Variants in ZYX observed in about 807,000 individuals in gnomAD.
ZYX encodes zyxin-2.
In ZYX, 37 loss-of-function variants were observed where a neutral mutation model predicts 58.1. That is an observed-to-expected ratio of 0.64 (90% CI 0.49 to 0.84). The LOEUF is 0.84. Among genes scored for constraint, ZYX ranks in the 40% least tolerant of loss-of-function variants. The pLI is 0.00. For synonymous variants in ZYX, 324 were observed against 321.1 expected (o/e 1.01, Z -0.10); for missense variants, 762 against 761.6 (o/e 1.00, Z -0.01).
Position 143,387,871 on chromosome 7 carries a change from T to C in ZYX, c.1024-348T>C, listed in dbSNP as rs1311414169. The C allele has an allele frequency of 4.1e-6, 2 of 493,224 alleles. No individual in the cohort carries two copies. Among genetic ancestry groups the C allele is most frequent in the Non-Finnish European group, 8.1e-6 (2 of 245,554 alleles). 30.6% of individuals were successfully genotyped at this position (493,224 alleles called of 1,614,324 possible). ...GTCCGAGCATGCTCTGTGGAGTTGA[T>C]GCGTGGCCCTGGAGTGTCCGGTGCT... is the stretch of plus-strand genomic sequence containing the variant. On this transcript the variant is annotated intron_variant, in intron 5 of 9. Transcript: ENST00000322764. The surrounding 1 kb of genome is among the most constrained non-coding windows in gnomAD (Gnocchi z 5.8).
chr7:143,383,346 G>A (rs771185494), intron 5 of ZYX, 24 bp downstream of exon 5: 3 of 1,571,568 alleles, frequency 1.9e-6, no homozygotes, highest in Non-Finnish European at 2.6e-6. Flanking sequence ...ATAGGACAAG[G>A]CTTGGTACCA....
At position 143,382,578 on chromosome 7, in the gene ZYX, C is replaced by T. The variant is rs1413159618; in HGVS notation, c.409-15C>T. 8.1e-6 allele frequency: 13 copies of T among 1,613,518 alleles called. No individual in the cohort carries two copies. In the South Asian group the frequency reaches 1.1e-4, roughly 14 times the overall value. On this transcript the variant is annotated splice_polypyrimidine_tract_variant and intron_variant, in intron 3 of 9. Coordinates refer to ENST00000322764, the MANE Select transcript of ZYX (RefSeq NM_003461.5). The stretch of plus-strand genomic sequence containing the variant: ...TAGAGGCATGGAATAGGTGCTCTGA[C>T]CTCTGACCCTCTAGCCCAGGGAGAA...
intron 5 of ZYX, among the ~76,000 whole-genome samples, chr7:143,386,516 T>C (rs575148046): frequency 6.6e-6 from 1 of 151,872 alleles, no homozygotes; most frequent in South Asian, 2.1e-4. Context: ...CACGCTGCAG[T>C]GTTCAGTGAT....
rs1342700358 is a variant in ZYX, at chr7:143,382,442, C to A, written c.403C>A (p.Pro135Thr). The A allele has an allele frequency of 6.3e-7, 1 of 1,596,256 alleles. No homozygotes were observed. Among genetic ancestry groups the A allele is most frequent in the Non-Finnish European group, 8.5e-7 (1 of 1,172,240 alleles). The change falls in exon 3 of 10, where the codon CCA (proline) becomes ACA (threonine). Residue 135 changes from proline to threonine, a missense_variant. Transcript: ENST00000322764. ...GCCTGAGGCCCCCATACCGCCCCCA[C>A]CACAGGTACGGAGGCCTGGGAGGGG... ...GGPEAPIPPP[P>T]QPREKVSSID... is the part of the protein sequence containing the mutation.
In ZYX at chr7:143,388,710, T is replaced by C. The variant is rs1467377176; in HGVS notation, c.1314+52T>C. The C allele has an allele frequency of 2.5e-6, 4 of 1,608,642 alleles. No individual in the cohort carries two copies. In the Admixed American group the frequency reaches 6.7e-5, roughly 27 times the overall value. On this transcript the variant is annotated intron_variant, in intron 7 of 9. Transcript: ENST00000322764. The surrounding 1 kb of genome is among the most constrained non-coding windows in gnomAD (Gnocchi z 7.5). Reference sequence around the variant, plus strand: ...TGGGCTGTGCTGGGCAGTCGGGCCCTGGAAGCTTGCTGTGGGGTGCCGGTT... The same window carrying C: ...TGGGCTGTGCTGGGCAGTCGGGCCCCGGAAGCTTGCTGTGGGGTGCCGGTT...
chr7:143,381,969 G>A (rs554215429), intron 2 of ZYX, 190 bp downstream of exon 2: 2 of 654,048 alleles, frequency 3.1e-6, no homozygotes, highest in African/African-American at 3.7e-5. Context: ...ACCGTTCCAA[G>A]TCCCCCGCCT....
chr7:143,381,447 G>C lies in ZYX; in HGVS notation c.-16+38G>C, dbSNP rs552114712. On this transcript the variant is annotated intron_variant, in intron 1 of 9. Coordinates refer to ENST00000322764, the MANE Select transcript of ZYX (RefSeq NM_003461.5). Reference sequence around the variant, plus strand: ...GAGCGGCAGGGCGGCCCCACGGGGAGGGGGCGCGGGGCGCCGGGAGGGGGC... The same window carrying C: ...GAGCGGCAGGGCGGCCCCACGGGGACGGGGCGCGGGGCGCCGGGAGGGGGC... The C allele has an allele frequency of 1.5e-3, 1,888 of 1,292,028 alleles. 4 individuals are homozygous for C. Among genetic ancestry groups the C allele is most frequent in the Admixed American group, 1.7e-3 (41 of 23,532 alleles). The allele number at this position is 1,292,028 out of a possible 1,614,324, so 80.0% of individuals were successfully genotyped here. A position where few individuals can be genotyped will look rare whatever the true frequency, so the allele number is the denominator to read the frequency against.
Position 143,388,012 on chromosome 7 carries a change from C to T in ZYX, c.1024-207C>T. 1 of 634,550 alleles carries T rather than the reference C, an allele frequency of 1.6e-6. No individual in the cohort carries two copies. The highest frequency in any genetic ancestry group is 2.8e-6 in the Non-Finnish European group (1 of 355,844). 39.3% of individuals were successfully genotyped at this position (634,550 alleles called of 1,614,324 possible). On this transcript the variant is annotated intron_variant, in intron 5 of 9. Transcript: ENST00000322764. This position sits in a 1 kb window ranked among gnomAD's most constrained non-coding sequence, Gnocchi z 7.5. ...TGGAAATGTCTTGCTGTACGAGATC[C>T]AGGCTTAGGTCCCTTCCCCTGTTAT... is the stretch of plus-strand genomic sequence containing the variant.
intron 2 of ZYX, 54 bp downstream of exon 2, chr7:143,381,833 G>A: frequency 8.9e-6 from 13 of 1,460,888 alleles, no homozygotes; most frequent in Non-Finnish European, 1.2e-5. Context: ...GTGGGGGGCA[G>A]TCGTTTCGGG....
In ZYX at chr7:143,389,705, T is replaced by G; in HGVS notation, c.1494-152T>G. 1 of 1,061,474 alleles carries G rather than the reference T, an allele frequency of 9.4e-7. No individual in the cohort carries two copies. The highest frequency in any genetic ancestry group is 1.3e-6 in the Non-Finnish European group (1 of 754,784). 65.8% of individuals were successfully genotyped at this position (1,061,474 alleles called of 1,614,324 possible). A position where few individuals can be genotyped will look rare whatever the true frequency, so the allele number is the denominator to read the frequency against. ...TCCCTTTGATGAGGGCCAGTCATGGTGTCTCACTCTTAGGCCCTTCTGGTG... is the reference window on the plus strand; with the variant it reads ...TCCCTTTGATGAGGGCCAGTCATGGGGTCTCACTCTTAGGCCCTTCTGGTG... On this transcript the variant is annotated intron_variant, in intron 8 of 9. Coordinates refer to ENST00000322764, the MANE Select transcript of ZYX (RefSeq NM_003461.5). The surrounding 1 kb of genome is among the most constrained non-coding windows in gnomAD (Gnocchi z 5.6).
chr7:143,387,825 C>T lies in ZYX; in HGVS notation c.1024-394C>T. ...GCGCGTGTGTGCACGCCATTGCGTG[C>T]CCCTGTCCCATGGGGGCGATGTCCG... On this transcript the variant is annotated intron_variant, in intron 5 of 9. Coordinates refer to ENST00000322764, the MANE Select transcript of ZYX (RefSeq NM_003461.5). This position sits in a 1 kb window ranked among gnomAD's most constrained non-coding sequence, Gnocchi z 5.8. The T allele has an allele frequency of 2.1e-6, 1 of 478,880 alleles. No individual in the cohort carries two copies. The allele number at this position is 478,880 out of a possible 1,614,324, so 29.7% of individuals were successfully genotyped here. A position where few individuals can be genotyped will look rare whatever the true frequency, so the allele number is the denominator to read the frequency against.
chr7:143,382,193 G>A, intron 2 of ZYX, 55 bp from the exon 3 acceptor site: 1 of 1,464,426 alleles, frequency 6.8e-7, no homozygotes, highest in Non-Finnish European at 9.5e-7. Flanking sequence ...ACTGAGGGGA[G>A]CTTGGGTGAG....
chr7:143,381,443 G>A lies in ZYX; in HGVS notation c.-16+34G>A, dbSNP rs1804566537. ...CGGGGAGCGGCAGGGCGGCCCCACG[G>A]GGAGGGGGCGCGGGGCGCCGGGAGG... On this transcript the variant is annotated intron_variant, in intron 1 of 9. Coordinates refer to ENST00000322764, the MANE Select transcript of ZYX (RefSeq NM_003461.5). 28 of 1,290,036 alleles carry A rather than the reference G, an allele frequency of 2.2e-5. No homozygotes were observed. In the East Asian group the frequency reaches 6.2e-4, roughly 28 times the overall value. 79.9% of individuals were successfully genotyped at this position (1,290,036 alleles called of 1,614,324 possible).
intron 5 of ZYX, among the ~76,000 whole-genome samples, chr7:143,383,744 A>G (rs369601602): frequency 2.6e-5 from 4 of 152,242 alleles, no homozygotes; most frequent in African/African-American, 7.2e-5. Context: ...GGTAAGAGAC[A>G]GCCCCAGTAA....
intron 5 of ZYX, 114 bp downstream of exon 5, chr7:143,383,436 C>A: frequency 1.2e-6 from 1 of 868,198 alleles, no homozygotes; most frequent in Non-Finnish European, 1.6e-6. Context: ...ACGGGGGTTG[C>A]GGGGTGGCGG....
At chr7:143,381,809 C>A (rs753125080) in intron 2 of ZYX, 30 bp downstream of exon 2, 4 of 1,500,890 alleles carry the variant, frequency 2.7e-6, no homozygotes, top group East Asian at 2.5e-5. Flanking sequence ...GAATGTACCC[C>A]GGCAGGAGCC....
In ZYX at chr7:143,383,185, T is replaced by C. The variant is rs1334038210; in HGVS notation, c.886T>C (p.Leu296=). Residue 296 remains leucine, a synonymous_variant, in exon 5 of 10, where the codon TTG becomes CTG. Coordinates refer to ENST00000322764, the MANE Select transcript of ZYX (RefSeq NM_003461.5). ...ATCTGGGTCACAACCAAATCAAAAA[T>C]TGGGGCACCCCGAAGCTCTTTCTGC... ...GGSGSQPNQK[L]GHPEALSAGT... 4.3e-6 allele frequency: 7 copies of C among 1,613,948 alleles called. No homozygotes were observed. The highest frequency in any genetic ancestry group is 2.2e-5 in the East Asian group (1 of 44,868).
rs1229793669 is a variant in ZYX, at chr7:143,389,864, G to A, written c.1501G>A (p.Ala501Thr). ...HCVPDYHKQY[A>T]PRCSVCSEPI... ...CCTTTCTGCCCCTTCCAGGCAGTACGCCCCGAGGTGCTCCGTCTGCTCTGA... is the reference window on the plus strand; with the variant it reads ...CCTTTCTGCCCCTTCCAGGCAGTACACCCCGAGGTGCTCCGTCTGCTCTGA... Residue 501 changes from alanine to threonine, a missense_variant, in exon 9 of 10, where the codon GCC becomes ACC. Transcript: ENST00000322764. This position sits in a 1 kb window ranked among gnomAD's most constrained non-coding sequence, Gnocchi z 5.6. 19 of 1,613,732 alleles carry A rather than the reference G, an allele frequency of 1.2e-5. No individual in the cohort carries two copies. Among genetic ancestry groups the A allele is most frequent in the African/African-American group, 4.0e-5 (3 of 74,916 alleles).
At position 143,390,753 on chromosome 7, in the gene ZYX, C is replaced by T. The variant is rs1431595081; in HGVS notation, c.*71C>T. 8.8e-7 allele frequency: 1 copy of T among 1,139,992 alleles called. No individual in the cohort carries two copies. Among genetic ancestry groups the T allele is most frequent in the Non-Finnish European group, 1.3e-6 (1 of 780,738 alleles). 70.6% of individuals were successfully genotyped at this position (1,139,992 alleles called of 1,614,324 possible). On this transcript the variant is annotated 3_prime_UTR_variant, in exon 10 of 10. Coordinates refer to ENST00000322764, the MANE Select transcript of ZYX (RefSeq NM_003461.5). The surrounding 1 kb of genome is among the most constrained non-coding windows in gnomAD (Gnocchi z 4.3). Reference sequence around the variant, plus strand: ...ACCACCCACACTGAGACCACCTGCCCCCACCTCAGTTATTGTTTTGATGTC... The same window carrying T: ...ACCACCCACACTGAGACCACCTGCCTCCACCTCAGTTATTGTTTTGATGTC...
Sources: allele counts gnomAD v4.1 joint callset (sites outside exome capture counted in the v4.1 genomes callset), GRCh38; gene constraint gnomAD v4.1.1; non-coding constraint Gnocchi (gnomAD v3.1); transcripts MANE v1.5; gene names NCBI Gene and HGNC (gene_info 2026-07-23, HGNC 2026-07-21).